PCBP3: variants seen among roughly 807,000 people sequenced by gnomAD.
PCBP3 encodes poly(rC)-binding protein 3.
PCBP3 carries 25 observed loss-of-function variants against 52.7 expected under a neutral mutation model. That is an observed-to-expected ratio of 0.47 (90% CI 0.35 to 0.66). PCBP3 has a LOEUF of 0.66. PCBP3 is among the 30% of genes least tolerant of loss of function. The pLI is 0.01. For synonymous variants in PCBP3, 162 were observed against 183.0 expected (o/e 0.89, Z 0.93); for missense variants, 391 against 490.3 (o/e 0.80, Z 1.91).
intron 1 of PCBP3, among the ~76,000 whole-genome samples, chr21:45,662,279 T>G (rs1269020491): frequency 3.5e-5 from 1 of 28,234 alleles, no homozygotes; most frequent in African/African-American, 1.0e-4. Context: ...AAGTTTTTTT[T>G]TTTTTTTTTT....
intron 9 of PCBP3, among the ~76,000 whole-genome samples, chr21:45,909,063 G>A (rs1367231697): frequency 6.6e-6 from 1 of 151,940 alleles, no homozygotes; most frequent in African/African-American, 2.4e-5. Flanking sequence ...CAGCCTGTCT[G>A]TCCACACCCC....
At chr21:45,647,280 A>G (rs902955001) in intron 1 of PCBP3, among the ~76,000 whole-genome samples, 6 of 152,184 alleles carry the variant, frequency 3.9e-5, no homozygotes, top group African/African-American at 1.4e-4. Context: ...GCCTCATCCA[A>G]GCTTCAGAAA....
chr21:45,905,929 C>T (rs563787929), intron 9 of PCBP3, among the ~76,000 whole-genome samples: 54 of 152,326 alleles, frequency 3.5e-4, no homozygotes, highest in Admixed American at 2.5e-3. Flanking sequence ...CCGGGATTCT[C>T]GACAGAGTCC....
chr21:45,925,094 G>C, intron 13 of PCBP3, among the ~76,000 whole-genome samples: 1 of 79,244 alleles, frequency 1.3e-5, no homozygotes, highest in East Asian at 2.4e-4. Flanking sequence ...CGAACACCGG[G>C]AACAGTCGCG....
chr21:45,856,566 A>T (rs1020444041), intron 5 of PCBP3, among the ~76,000 whole-genome samples: 1 of 152,150 alleles, frequency 6.6e-6, no homozygotes, highest in African/African-American at 2.4e-5. Context: ...CAGGAGACCT[A>T]GTTGTGTAAA....
chr21:45,739,610 A>C (rs1359806694), intron 3 of PCBP3, among the ~76,000 whole-genome samples: 226 of 9,202 alleles, frequency 0.025, no homozygotes, highest in Non-Finnish European at 0.027. Flanking sequence ...TCATCAGCCC[A>C]CCCCTTCCTG....
rs561737409 is a variant in PCBP3 at position 45,659,901 on chromosome 21, G to C, written c.-278-8973G>C. 3.3e-5 allele frequency among the ~76,000 whole-genome samples: 5 copies of C among 152,172 alleles called. No homozygotes were observed. In the South Asian group the frequency reaches 8.3e-4, roughly 25 times the overall value. ...TCTAGAGAATGTTCCATGTGTATTTGAGAATAATGTGTTTTCTGCTTTTTG... is the reference window on the plus strand; with the variant it reads ...TCTAGAGAATGTTCCATGTGTATTTCAGAATAATGTGTTTTCTGCTTTTTG... On this transcript the variant is annotated intron_variant, in intron 1 of 17. Coordinates refer to ENST00000681687, the MANE Select transcript of PCBP3 (RefSeq NM_001384156.1).
intron 4 of PCBP3, among the ~76,000 whole-genome samples, chr21:45,842,388 TTTTG>T (rs142430013): frequency 0.012 from 1,848 of 152,278 alleles, 18 homozygotes; most frequent in African/African-American, 0.027. Flanking sequence ...TCATTTTTTA[TTTTG>T]TTTGTTTGTT....
intron 5 of PCBP3, among the ~76,000 whole-genome samples, chr21:45,875,313 T>C (rs1327924118): frequency 6.6e-6 from 1 of 152,202 alleles, no homozygotes; most frequent in Non-Finnish European, 1.5e-5. Flanking sequence ...GCTGACTCTC[T>C]GCTGCACATG....
At chr21:45,739,195 C>T (rs2086168503) in intron 3 of PCBP3, among the ~76,000 whole-genome samples, 1 of 134,816 alleles carries the variant, frequency 7.4e-6, no homozygotes, top group East Asian at 2.4e-4. Context: ...CATCAGCCCA[C>T]CCCTTCCTGC....
At chr21:45,881,167 C>T (rs1569424773) in intron 5 of PCBP3, among the ~76,000 whole-genome samples, 1 of 152,174 alleles carries the variant, frequency 6.6e-6, no homozygotes, top group Non-Finnish European at 1.5e-5. Flanking sequence ...TTTCTGCATG[C>T]ATTGATATGA....
intron 2 of PCBP3, among the ~76,000 whole-genome samples, chr21:45,699,235 A>G (rs1201737087): frequency 2.0e-5 from 3 of 152,216 alleles, no homozygotes; most frequent in South Asian, 2.1e-4. Flanking sequence ...GGCTCTCCCA[A>G]GTGACCTAGA....
chr21:45,726,693 C>T (rs764748616), intron 2 of PCBP3, among the ~76,000 whole-genome samples: 4 of 152,224 alleles, frequency 2.6e-5, no homozygotes, highest in Admixed American at 6.5e-5. Context: ...TCTTCCACCA[C>T]GGCATTCAGG....
chr21:45,801,826 T>C (rs994364881), intron 4 of PCBP3, among the ~76,000 whole-genome samples: 5 of 152,348 alleles, frequency 3.3e-5, no homozygotes, highest in Admixed American at 3.3e-4. Context: ...GGTTAAATAA[T>C]CCAGTGTGGA....
chr21:45,930,121 C>T (rs749300183), intron 14 of PCBP3, 126 bp downstream of exon 14: 21 of 332,196 alleles, frequency 6.3e-5, no homozygotes, highest in Non-Finnish European at 1.1e-4. Context: ...GGTGCTGCGG[C>T]GTTCACATGC....
intron 13 of PCBP3, among the ~76,000 whole-genome samples, chr21:45,921,222 C>CGG (rs1341647267): frequency 6.6e-6 from 1 of 152,118 alleles, no homozygotes; most frequent in Admixed American, 6.5e-5. Flanking sequence ...TTTAAAGCTT[C>CGG]AATTTCTTAC....
intron 2 of PCBP3, among the ~76,000 whole-genome samples, chr21:45,677,581 T>C (rs2081548136): frequency 6.6e-6 from 1 of 152,200 alleles, no homozygotes; most frequent in African/African-American, 2.4e-5. Context: ...AAAATAGCCT[T>C]CTATTGAAAG....
intron 5 of PCBP3, among the ~76,000 whole-genome samples, chr21:45,887,811 C>T (rs1178957205): frequency 6.6e-6 from 1 of 152,230 alleles, no homozygotes; most frequent in Non-Finnish European, 1.5e-5. Flanking sequence ...ACTACGCACT[C>T]CCTAAGCTTC....
At chr21:45,687,154 A>G (rs1355501753) in intron 2 of PCBP3, among the ~76,000 whole-genome samples, 1 of 152,172 alleles carries the variant, frequency 6.6e-6, no homozygotes, top group African/African-American at 2.4e-5. Context: ...CTCATCAGCA[A>G]TTAGCCAAAA....
Sources: gnomAD v4.1 joint callset for allele counts (sites outside exome capture counted in the v4.1 genomes callset) on GRCh38, gnomAD v4.1.1 for gene constraint, MANE v1.5 for transcripts, NCBI Gene and HGNC (gene_info 2026-07-23, HGNC 2026-07-21) for gene names.